Variants in EYS observed in about 807,000 individuals in gnomAD.
EYS encodes protein eyes shut homolog.
Under a neutral mutation model 282.1 loss-of-function variants are expected in EYS, and 250 were observed. The observed-to-expected ratio is 0.89, with a 90% confidence interval of 0.80 to 0.98. The LOEUF (loss-of-function observed/expected upper bound fraction) is 0.98. Among genes scored for constraint, EYS ranks in the 50% least tolerant of loss-of-function variants. The pLI is 0.00. For missense variants in EYS, 4,016 were observed against 3,709.0 expected (o/e 1.08, Z -2.15); for synonymous variants, 1,355 against 1,282.9 (o/e 1.06, Z -1.20).
intron 36 of EYS, among the ~76,000 whole-genome samples, chr6:63,845,229 C>T (rs1772067585): frequency 6.6e-6 from 1 of 152,078 alleles, no homozygotes. Context: ...CTTTCATTAG[C>T]TATGAAGAAA....
intron 35 of EYS, among the ~76,000 whole-genome samples, chr6:63,894,811 TCTC>T (rs1246018245): frequency 6.6e-6 from 1 of 151,950 alleles, no homozygotes; most frequent in Admixed American, 6.6e-5. Context: ...ATGGTCTCGA[TCTC>T]CTGACCTCGT....
intron 9 of EYS, among the ~76,000 whole-genome samples, chr6:65,352,323 T>C (rs1394244331): frequency 1.3e-5 from 2 of 151,946 alleles, no homozygotes. Context: ...GTTAATTTGC[T>C]GGTTGTTTGT....
intron 5 of EYS, among the ~76,000 whole-genome samples, chr6:65,415,748 G>A (rs1377012441): frequency 6.6e-6 from 1 of 152,030 alleles, no homozygotes; most frequent in East Asian, 1.9e-4. Flanking sequence ...AGACAAAAAT[G>A]AAGTCTAATG....
intron 35 of EYS, among the ~76,000 whole-genome samples, chr6:63,951,008 C>T (rs1287682148): frequency 6.6e-6 from 1 of 151,978 alleles, no homozygotes; most frequent in Non-Finnish European, 1.5e-5. Flanking sequence ...GTCTGATCAC[C>T]ACGGGGATGC....
chr6:64,314,143 C>T (rs1362268803), intron 29 of EYS, among the ~76,000 whole-genome samples: 1 of 127,442 alleles, frequency 7.8e-6, no homozygotes, highest in African/African-American at 3.0e-5. Context: ...CAGAGACACA[C>T]ACAGGCTCAA....
At chr6:64,844,139 A>G (rs1336421323) in intron 19 of EYS, among the ~76,000 whole-genome samples, 1 of 152,026 alleles carries the variant, frequency 6.6e-6, no homozygotes, top group Non-Finnish European at 1.5e-5. Flanking sequence ...CTTTCTTCCA[A>G]GTCGCTGGTA....
intron 41 of EYS, among the ~76,000 whole-genome samples, chr6:63,736,900 G>T (rs1285182967): frequency 6.6e-6 from 1 of 152,126 alleles, no homozygotes; most frequent in Non-Finnish European, 1.5e-5. Context: ...TCTGTTATTG[G>T]TGTATAGGAA....
chr6:64,255,655 A>C (rs986445560), intron 30 of EYS, among the ~76,000 whole-genome samples: 5 of 152,078 alleles, frequency 3.3e-5, no homozygotes, highest in African/African-American at 1.2e-4. Flanking sequence ...CTATATTATA[A>C]GAATTCAATC....
In EYS at chr6:64,822,233, TAG is replaced by T. The variant is rs1458471391; in HGVS notation, c.3164+416_3164+417del. Among the ~76,000 whole-genome samples the T allele has an allele frequency of 4.6e-5, 7 of 152,146 alleles. 1 individual carries two copies. Among genetic ancestry groups the T allele is most frequent in the African/African-American group, 1.7e-4 (7 of 41,572 alleles). The stretch of plus-strand genomic sequence containing the variant: ...TCAGAGCAGTTATTATACAGATTCA[TAG>T]AGTCATAAAATACTTTTCATACACA... On this transcript the variant is annotated intron_variant, in intron 20 of 42. Coordinates refer to ENST00000503581, the MANE Select transcript of EYS (RefSeq NM_001142800.2).
intron 28 of EYS, among the ~76,000 whole-genome samples, chr6:64,422,132 G>T (rs373185859): frequency 6.6e-6 from 1 of 151,802 alleles, no homozygotes; most frequent in Non-Finnish European, 1.5e-5. Flanking sequence ...TAGATAGATC[G>T]ATAGATTGAT....
rs1268517184 is a variant in EYS at position 64,926,190 on chromosome 6, A to G, written c.2382-13447T>C. ...AAACCACACCCACTCATGTCCTCTG[A>G]AGAGGGAGCACCCAAGTACTGTGCC... On this transcript the variant is annotated intron_variant, in intron 15 of 42. Coordinates refer to ENST00000503581, the MANE Select transcript of EYS (RefSeq NM_001142800.2). Among the ~76,000 whole-genome samples the G allele has an allele frequency of 2.0e-5, 3 of 152,172 alleles. 1 individual carries two copies. Among genetic ancestry groups the G allele is most frequent in the Non-Finnish European group, 4.4e-5 (3 of 68,026 alleles).
At chr6:64,492,397 C>A (rs1273333767) in intron 26 of EYS, among the ~76,000 whole-genome samples, 17 of 151,082 alleles carry the variant, frequency 1.1e-4, no homozygotes, top group African/African-American at 4.1e-4. Flanking sequence ...GCAATTTTGA[C>A]ACAGATTAAA....
chr6:64,312,483 TA>T (rs1368336728), intron 29 of EYS, among the ~76,000 whole-genome samples: 2 of 152,176 alleles, frequency 1.3e-5, no homozygotes, highest in Non-Finnish European at 2.9e-5. Flanking sequence ...CCTGACTGAC[TA>T]CTCTAAAGAG....
chr6:63,890,132 C>T (rs1773370851), intron 35 of EYS, among the ~76,000 whole-genome samples: 1 of 152,156 alleles, frequency 6.6e-6, no homozygotes, highest in African/African-American at 2.4e-5. Flanking sequence ...TAGAGACCTA[C>T]AAAGATACTT....
At chr6:65,234,089 A>G (rs1046530584) in intron 12 of EYS, among the ~76,000 whole-genome samples, 3 of 151,928 alleles carry the variant, frequency 2.0e-5, no homozygotes, top group Admixed American at 1.3e-4. Context: ...GCCCACCAAG[A>G]TCTTCATTAT....
intron 26 of EYS, among the ~76,000 whole-genome samples, chr6:64,557,142 G>T (rs1169406528): frequency 6.6e-6 from 1 of 151,438 alleles, no homozygotes; most frequent in African/African-American, 2.4e-5. Context: ...GCCTAGAAGA[G>T]AAATACAAAT....
At chr6:64,648,704 G>T (rs1768443558) in intron 22 of EYS, among the ~76,000 whole-genome samples, 1 of 152,156 alleles carries the variant, frequency 6.6e-6, no homozygotes. Flanking sequence ...AAGAAAGATA[G>T]ACTGATAAAC....
intron 29 of EYS, among the ~76,000 whole-genome samples, chr6:64,347,108 T>C (rs1032411524): frequency 6.6e-6 from 1 of 151,384 alleles, no homozygotes; most frequent in Non-Finnish European, 1.5e-5. Context: ...CTCTACAGTA[T>C]GAAGGCACTA....
At chr6:64,844,631 C>T (rs1173478124) in intron 19 of EYS, among the ~76,000 whole-genome samples, 4 of 151,850 alleles carry the variant, frequency 2.6e-5, no homozygotes, top group African/African-American at 9.7e-5. Context: ...CTGATGATAC[C>T]AAGCTTTTTG....
Sources: allele counts gnomAD v4.1 joint callset (sites outside exome capture counted in the v4.1 genomes callset), GRCh38; gene constraint gnomAD v4.1.1; transcripts MANE v1.5; gene names NCBI Gene and HGNC (gene_info 2026-07-23, HGNC 2026-07-21).